The following ZDHHC21 variants were observed in gnomAD, a reference collection of about 807,000 sequenced individuals.
ZDHHC21 encodes zDHHC palmitoyltransferase 21.
ZDHHC21 carries 15 observed loss-of-function variants against 34.6 expected under a neutral mutation model. The observed-to-expected ratio is 0.43, with a 90% CI of 0.29 to 0.67. The LOEUF (loss-of-function observed/expected upper bound fraction) is 0.67, where lower values mean the gene tolerates loss of function less well. Ranked by LOEUF, ZDHHC21 falls within the 30% of genes least tolerant of loss-of-function variation. The pLI, the probability that ZDHHC21 is intolerant of heterozygous loss-of-function variation, is 0.14. For missense variants in ZDHHC21, 344 were observed against 327.7 expected (o/e 1.05, Z -0.38); for synonymous variants, 142 against 101.8 (o/e 1.40, Z -2.38).
At chr9:14,631,455 T>C (rs1253263920) in intron 8 of ZDHHC21, among the ~76,000 whole-genome samples, 1 of 152,206 alleles carries the variant, frequency 6.6e-6, no homozygotes, top group Non-Finnish European at 1.5e-5. Context: ...TTTCTCCATA[T>C]CAACAATAAA....
intron 8 of ZDHHC21, among the ~76,000 whole-genome samples, chr9:14,627,720 C>T (rs1586930404): frequency 1.3e-5 from 2 of 152,246 alleles, no homozygotes; most frequent in Non-Finnish European, 2.9e-5. Flanking sequence ...CACCAGAATG[C>T]GCTGTACCAG....
At position 14,662,326 on chromosome 9, in the gene ZDHHC21, T is replaced by C. The variant is rs757606641; in HGVS notation, c.254A>G (p.Glu85Gly). Residue 85 changes from glutamate to glycine, a missense_variant and splice_region_variant, in exon 6 of 10, where the codon GAA becomes GGA. Physicochemically the swap from Glu to Gly is moderately conservative, Grantham distance 98 (BLOSUM62 -2). Coordinates refer to ENST00000380916, the MANE Select transcript of ZDHHC21 (RefSeq NM_178566.6). The stretch of plus-strand genomic sequence containing the variant: ...GTTACATAATTCCCAGAACTCCCTT[T>C]CTAAAGAAAAGAAATTAAAATCCAT... ...LPENPKIPHG[E>G]REFWELCNKC... 1.9e-6 allele frequency: 3 copies of C among 1,600,004 alleles called. No individual in the cohort carries two copies. Among genetic ancestry groups the C allele is most frequent in the Admixed American group, 3.5e-5 (2 of 56,454 alleles).
At chr9:14,620,657 T>C (rs1371045712) in intron 8 of ZDHHC21, among the ~76,000 whole-genome samples, 2 of 152,102 alleles carry the variant, frequency 1.3e-5, no homozygotes, top group South Asian at 2.1e-4. Context: ...ATGATGCTAA[T>C]AAACAGCACC....
rs1456309562 is a variant in ZDHHC21, at chr9:14,616,311, T to C, written c.*2655A>G. The C allele has an allele frequency of 6.6e-6, 1 of 151,776 alleles. No individual in the cohort carries two copies. Among genetic ancestry groups the C allele is most frequent in the Non-Finnish European group, 1.5e-5 (1 of 67,774 alleles). 9.4% of individuals were successfully genotyped at this position (151,776 alleles called of 1,614,324 possible). A position where few individuals can be genotyped will look rare whatever the true frequency, so the allele number is the denominator to read the frequency against. The stretch of plus-strand genomic sequence containing the variant: ...AAAATACATAAAATGGCTTAGTTTA[T>C]CCTAATCTGATATAAATTTGTGATT... On this transcript the variant is annotated 3_prime_UTR_variant, in exon 10 of 10. Transcript: ENST00000380916.
chr9:14,611,296 T>A lies in ZDHHC21; in HGVS notation c.*7670A>T, dbSNP rs1823258753. 6.6e-6 allele frequency: 1 copy of A among 151,980 alleles called. No homozygotes were observed. Among genetic ancestry groups the A allele is most frequent in the South Asian group, 2.1e-4 (1 of 4,828 alleles). The allele number at this position is 151,980 out of a possible 1,614,324, so 9.4% of individuals were successfully genotyped here. ...CACATTAAGAACCAGTGTAGACTTT[T>A]CATCTAAACAAATACATCTCAGCTA... On this transcript the variant is annotated 3_prime_UTR_variant, in exon 10 of 10. Coordinates refer to ENST00000380916, the MANE Select transcript of ZDHHC21 (RefSeq NM_178566.6).
At chr9:14,643,399 C>T (rs1829746904) in intron 7 of ZDHHC21, among the ~76,000 whole-genome samples, 2 of 152,164 alleles carry the variant, frequency 1.3e-5, no homozygotes, top group South Asian at 4.1e-4. Context: ...TTACTAACTC[C>T]TTCTTCATAC....
chr9:14,669,914 T>G, intron 5 of ZDHHC21, among the ~76,000 whole-genome samples: 1 of 139,736 alleles, frequency 7.2e-6, no homozygotes, highest in Non-Finnish European at 1.6e-5. Context: ...AGATGACGAG[T>G]TAGTGGGTGC....
chr9:14,630,130 G>A (rs1476443954), intron 8 of ZDHHC21, among the ~76,000 whole-genome samples: 3 of 152,136 alleles, frequency 2.0e-5, no homozygotes, highest in Non-Finnish European at 4.4e-5. Context: ...TGTAGCATGC[G>A]ATGCAATTTG....
At chr9:14,623,629 C>A (rs1825695683) in intron 8 of ZDHHC21, among the ~76,000 whole-genome samples, 2 of 114,236 alleles carry the variant, frequency 1.8e-5, no homozygotes, top group Non-Finnish European at 3.6e-5. Context: ...ACATAAGGAA[C>A]ACAAACAACT....
At chr9:14,590,610 G>C in the ZDHHC21 span, among the ~76,000 whole-genome samples, 1 of 151,944 alleles carries the variant, frequency 6.6e-6, no homozygotes, top group Non-Finnish European at 1.5e-5. Flanking sequence ...ATGTGGGGAG[G>C]GGACAAACTC....
At chr9:14,596,270 C>A in the ZDHHC21 span, among the ~76,000 whole-genome samples, 6 of 152,198 alleles carry the variant, frequency 3.9e-5, no homozygotes, top group Non-Finnish European at 8.8e-5. Flanking sequence ...CCCCCCGTGT[C>A]TTTTCACCTC....
chr9:14,599,086 G>C, the ZDHHC21 span, among the ~76,000 whole-genome samples: 1 of 152,168 alleles, frequency 6.6e-6, no homozygotes, highest in East Asian at 1.9e-4. Flanking sequence ...TTAACGAAGA[G>C]ATAAACATAA....
chr9:14,628,759 A>G (rs1451873582), intron 8 of ZDHHC21, among the ~76,000 whole-genome samples: 1 of 152,222 alleles, frequency 6.6e-6, no homozygotes, highest in East Asian at 1.9e-4. Flanking sequence ...ATTTTATCAC[A>G]AAACAGCAAA....
At chr9:14,640,956 TCTC>T (rs1829272086) in intron 7 of ZDHHC21, among the ~76,000 whole-genome samples, 2 of 152,166 alleles carry the variant, frequency 1.3e-5, no homozygotes, top group Admixed American at 6.5e-5. Flanking sequence ...AACTAAGACT[TCTC>T]CTGGAAATCT....
intron 8 of ZDHHC21, among the ~76,000 whole-genome samples, chr9:14,629,517 GT>G (rs1826934755): frequency 6.6e-6 from 1 of 152,048 alleles, no homozygotes; most frequent in African/African-American, 2.4e-5. Flanking sequence ...AAATTTTTCG[GT>G]TTCTCACTGC....
At chr9:14,625,073 G>C (rs2133497525) in intron 8 of ZDHHC21, among the ~76,000 whole-genome samples, 1 of 151,854 alleles carries the variant, frequency 6.6e-6, no homozygotes, top group South Asian at 2.1e-4. Context: ...CCTCTGATTA[G>C]TATATGAACA....
the ZDHHC21 span, among the ~76,000 whole-genome samples, chr9:14,601,165 T>TA: frequency 1.3e-5 from 2 of 152,032 alleles, no homozygotes; most frequent in Non-Finnish European, 2.9e-5. Flanking sequence ...CTAATCAAAC[T>TA]AAAAAACTTC....
the ZDHHC21 span, among the ~76,000 whole-genome samples, chr9:14,599,662 G>A: frequency 3.3e-5 from 5 of 152,072 alleles, no homozygotes; most frequent in Non-Finnish European, 7.4e-5. Flanking sequence ...ATAGCTCAGT[G>A]AATCACACCC....
chr9:14,640,322 A>AAAAAG (rs1564260399), intron 7 of ZDHHC21, among the ~76,000 whole-genome samples: 1 of 150,644 alleles, frequency 6.6e-6, no homozygotes, highest in Non-Finnish European at 1.5e-5. Flanking sequence ...AAAAAAAAAA[A>AAAAAG]AAAGAAAGAA....
Sources: allele counts gnomAD v4.1 joint callset (sites outside exome capture counted in the v4.1 genomes callset), GRCh38; gene constraint gnomAD v4.1.1; transcripts MANE v1.5; gene names NCBI Gene and HGNC (gene_info 2026-07-23, HGNC 2026-07-21).